Variants in TAOK3 observed in about 807,000 individuals in gnomAD.
TAOK3 encodes the protein TAO kinase 3, also known as serine/threonine-protein kinase TAO3.
TAOK3 carries 40 observed loss-of-function variants against 120.4 expected under a neutral mutation model. That is an observed-to-expected ratio of 0.33 (90% CI 0.26 to 0.43). TAOK3 has a LOEUF of 0.43. Among genes scored for constraint, TAOK3 ranks in the 20% least tolerant of loss-of-function variants. The pLI is 1.00. For missense variants in TAOK3, 821 were observed against 1,112.1 expected (o/e 0.74, Z 3.72); for synonymous variants, 355 against 387.5 (o/e 0.92, Z 0.99).
rs560247879 is a variant in TAOK3, at chr12:118,209,271, A to G, written c.819+3643T>C. On this transcript the variant is annotated intron_variant, in intron 11 of 20. Coordinates refer to ENST00000392533, the MANE Select transcript of TAOK3 (RefSeq NM_016281.4). ...GGAACGGTTTTTATGGTTTGCTGTC[A>G]TTTGTGCAAAAATAAAAACAACATT... 1.1e-4 allele frequency among the ~76,000 whole-genome samples: 16 copies of G among 152,368 alleles called. No individual in the cohort carries two copies. The South Asian group carries it at 2.7e-3, about 26-fold the overall frequency.
chr12:118,198,225 C>T (rs2037831751), intron 13 of TAOK3, among the ~76,000 whole-genome samples: 1 of 152,054 alleles, frequency 6.6e-6, no homozygotes, highest in African/African-American at 2.4e-5. Context: ...TGCTCTTGTA[C>T]TTGTTGCTTT....
intron 11 of TAOK3, among the ~76,000 whole-genome samples, chr12:118,207,250 A>G (rs757381203): frequency 4.6e-5 from 7 of 151,328 alleles, no homozygotes; most frequent in Non-Finnish European, 1.0e-4. Flanking sequence ...CGCTTGAACC[A>G]GGGAGGCAGA....
intron 1 of TAOK3, among the ~76,000 whole-genome samples, chr12:118,276,434 G>A (rs951744840): frequency 6.6e-6 from 1 of 152,224 alleles, no homozygotes; most frequent in Non-Finnish European, 1.5e-5. Context: ...GGGCGCGGTG[G>A]CTCACGCCTG....
At chr12:118,154,244 C>T (rs985746411) in intron 19 of TAOK3, among the ~76,000 whole-genome samples, 1 of 152,174 alleles carries the variant, frequency 6.6e-6, no homozygotes, top group Non-Finnish European at 1.5e-5. Context: ...CAATTTAGAC[C>T]ATCTAAACAT....
Position 118,267,406 on chromosome 12 carries a change from G to A in TAOK3, c.-193-647C>T, listed in dbSNP as rs771915882. Among the ~76,000 whole-genome samples the A allele has an allele frequency of 2.6e-5, 4 of 151,356 alleles. No homozygotes were observed. In the South Asian group the frequency reaches 8.4e-4, roughly 32 times the overall value. On this transcript the variant is annotated intron_variant, in intron 1 of 20. Coordinates refer to ENST00000392533, the MANE Select transcript of TAOK3 (RefSeq NM_016281.4). ...ATGTTTGTATTTTCAGTACAGACGG[G>A]GTTTCACCATGTTGGCCAGGCTGGT...
chr12:118,244,462 T>C (rs2040389716), intron 4 of TAOK3, among the ~76,000 whole-genome samples: 1 of 150,592 alleles, frequency 6.6e-6, no homozygotes, highest in Admixed American at 6.7e-5. Context: ...TATTATATGC[T>C]CCACAAGAAG....
Position 118,308,695 on chromosome 12 carries a change from C to T in TAOK3, c.-193-41936G>A, listed in dbSNP as rs150108171. Among the ~76,000 whole-genome samples the T allele has an allele frequency of 8.8e-3, 1,341 of 151,846 alleles. 20 individuals are homozygous for T. The highest frequency in any genetic ancestry group is 0.031 in the African/African-American group (1,291 of 41,392). Reference sequence around the variant, plus strand: ...CTGTAATGGCAGCATTTTGGGAGGCCGAGGCAGGTGGATTACCTGAGGTCA... The same window carrying T: ...CTGTAATGGCAGCATTTTGGGAGGCTGAGGCAGGTGGATTACCTGAGGTCA... On this transcript the variant is annotated intron_variant, in intron 1 of 20. Transcript: ENST00000392533.
At chr12:118,254,073 C>A (rs985888840) in intron 3 of TAOK3, among the ~76,000 whole-genome samples, 1 of 152,092 alleles carries the variant, frequency 6.6e-6, no homozygotes, top group Non-Finnish European at 1.5e-5. Flanking sequence ...AACAAAAGAA[C>A]AAACAAACTG....
chr12:118,224,733 A>C (rs2039417453), intron 9 of TAOK3, among the ~76,000 whole-genome samples: 1 of 152,226 alleles, frequency 6.6e-6, no homozygotes, highest in South Asian at 2.1e-4. Flanking sequence ...TTTGATCTTT[A>C]GGAAAGAAGG....
At chr12:118,156,811 T>C (rs1425404127) in intron 19 of TAOK3, among the ~76,000 whole-genome samples, 2 of 152,056 alleles carry the variant, frequency 1.3e-5, no homozygotes, top group Non-Finnish European at 2.9e-5. Context: ...CTCGGCTCAC[T>C]GCAACCTCTG....
In TAOK3 at chr12:118,214,047, T is replaced by C; in HGVS notation, c.707A>G (p.Asn236Ser). ...AMSALYHIAQ[N>S]DSPTLQSNEW... Reference sequence around the variant, plus strand: ...ATTAGACTGTAACGTTGGGGAGTCATTCTGGGCAATGTGATATAAGGCACT... The same window carrying C: ...ATTAGACTGTAACGTTGGGGAGTCACTCTGGGCAATGTGATATAAGGCACT... The change falls in exon 10 of 21, where the codon AAT becomes AGT. Residue 236 changes from asparagine to serine, a missense_variant. Coordinates refer to ENST00000392533, the MANE Select transcript of TAOK3 (RefSeq NM_016281.4). The C allele has an allele frequency of 6.2e-7, 1 of 1,611,248 alleles. No homozygotes were observed. Among genetic ancestry groups the C allele is most frequent in the Non-Finnish European group, 8.5e-7 (1 of 1,179,032 alleles).
At chr12:118,240,406 T>C (rs996000178) in intron 5 of TAOK3, among the ~76,000 whole-genome samples, 5 of 152,126 alleles carry the variant, frequency 3.3e-5, no homozygotes, top group Admixed American at 1.3e-4. Flanking sequence ...CTCAAACTCC[T>C]GACCTCAGGT....
At chr12:118,202,861 C>G (rs2038099639) in intron 11 of TAOK3, among the ~76,000 whole-genome samples, 2 of 145,256 alleles carry the variant, frequency 1.4e-5, no homozygotes, top group African/African-American at 5.2e-5. Context: ...CTCACTGCAA[C>G]CTCCACCTCC....
chr12:118,242,012 G>A (rs1414161477), intron 5 of TAOK3, among the ~76,000 whole-genome samples: 8 of 151,846 alleles, frequency 5.3e-5, no homozygotes, highest in Middle Eastern at 3.4e-3. Context: ...ACTTGAACCC[G>A]GGAGGTGGAG....
chr12:118,225,203 G>A (rs1210461271), intron 9 of TAOK3, among the ~76,000 whole-genome samples: 3 of 143,132 alleles, frequency 2.1e-5, no homozygotes, highest in East Asian at 2.0e-4. Context: ...AGCCAAGATC[G>A]CGCCATTGCA....
chr12:118,326,612 G>C (rs1395122255), intron 1 of TAOK3, among the ~76,000 whole-genome samples: 1 of 152,078 alleles, frequency 6.6e-6, no homozygotes, highest in Non-Finnish European at 1.5e-5. Flanking sequence ...AATTTTAATA[G>C]CAACCCCTCT....
chr12:118,304,072 G>C (rs1157449811), intron 1 of TAOK3, among the ~76,000 whole-genome samples: 1 of 152,226 alleles, frequency 6.6e-6, no homozygotes, highest in Non-Finnish European at 1.5e-5. Context: ...CACTGTTTCA[G>C]TGAAGTCATT....
At chr12:118,246,202 G>T (rs2040490959) in intron 3 of TAOK3, 1 of 1,427,682 alleles carries the variant, frequency 7.0e-7, no homozygotes. Context: ...GGTCGCGGCC[G>T]TGGACGGGGC....
rs56082122 is a variant in TAOK3, at chr12:118,212,989, G to T, written c.744C>A (p.Asp248Glu). 3 of 1,609,890 alleles carry T rather than the reference G, an allele frequency of 1.9e-6. No individual in the cohort carries two copies. Among genetic ancestry groups the T allele is most frequent in the East Asian group, 2.2e-5 (1 of 44,752 alleles). ...SPTLQSNEWT[D>E]SFRRFVDYCL... ...AGTAATCAACAAATCTCCTAAAGGA[G>T]TCTGTCCTGTGTGTGCAAATACACA... The change falls in exon 11 of 21, where the codon GAC (aspartate) becomes GAA (glutamate). Residue 248 changes from aspartate (D) to glutamate (E), a missense_variant. By Grantham distance (45) the Asp-to-Glu change is conservative. Coordinates refer to ENST00000392533, the MANE Select transcript of TAOK3 (RefSeq NM_016281.4).
Sources: gnomAD v4.1 joint callset for allele counts (sites outside exome capture counted in the v4.1 genomes callset) on GRCh38, gnomAD v4.1.1 for gene constraint, MANE v1.5 for transcripts, NCBI Gene and HGNC (gene_info 2026-07-23, HGNC 2026-07-21) for gene names.